Variants in ZBTB20 observed in about 807,000 individuals in gnomAD.
The protein encoded by ZBTB20 is zinc finger and BTB domain containing 20.
Under a neutral mutation model 56.9 loss-of-function variants are expected in ZBTB20, and 9 were observed. The observed-to-expected ratio is 0.16, with a 90% CI of 0.10 to 0.28. ZBTB20 has a LOEUF of 0.28. ZBTB20 is among the 10% of genes least tolerant of loss of function. The pLI is 1.00. For missense variants in ZBTB20, 655 were observed against 1,003.0 expected, an observed-to-expected ratio of 0.65 and a Z score of 4.69; for synonymous variants, 417 against 420.7, an observed-to-expected ratio of 0.99 and a Z score of 0.11.
At chr3:114,840,592 T>G (rs1175488712) in intron 4 of ZBTB20, among the ~76,000 whole-genome samples, 1 of 152,236 alleles carries the variant, frequency 6.6e-6, no homozygotes, top group African/African-American at 2.4e-5. Context: ...TAGCTTGAGC[T>G]TAAGTCAGAT....
intron 5 of ZBTB20, among the ~76,000 whole-genome samples, chr3:114,737,992 T>G (rs368290206): frequency 6.6e-6 from 1 of 152,178 alleles, no homozygotes; most frequent in African/African-American, 2.4e-5. Flanking sequence ...TAAGTGTTCT[T>G]GCTTTTTTTC....
chr3:114,689,743 C>G (rs2062583496), intron 6 of ZBTB20, among the ~76,000 whole-genome samples: 1 of 152,046 alleles, frequency 6.6e-6, no homozygotes, highest in African/African-American at 2.4e-5. Flanking sequence ...ACTTATGGAT[C>G]TTTTTAAAAG....
intron 2 of ZBTB20, among the ~76,000 whole-genome samples, chr3:115,038,891 A>G (rs2081035513): frequency 6.6e-6 from 1 of 152,106 alleles, no homozygotes; most frequent in African/African-American, 2.4e-5. Flanking sequence ...CCATTGCATT[A>G]TATCAAAGTT....
intron 6 of ZBTB20, among the ~76,000 whole-genome samples, chr3:114,560,573 A>G (rs1269743683): frequency 6.6e-6 from 1 of 152,072 alleles, no homozygotes; most frequent in Non-Finnish European, 1.5e-5. Flanking sequence ...TCACCACTAC[A>G]CTTTCCTGTC....
chr3:114,927,150 T>C (rs1391168843), intron 3 of ZBTB20, among the ~76,000 whole-genome samples: 1 of 152,214 alleles, frequency 6.6e-6, no homozygotes, highest in Non-Finnish European at 1.5e-5. Flanking sequence ...CTAAGATAAA[T>C]GCATATCTCA....
Position 114,339,076 on chromosome 3 carries a change from C to G in ZBTB20, c.2155G>C (p.Val719Leu). 6.4e-7 allele frequency: 1 copy of G among 1,565,082 alleles called. No individual in the cohort carries two copies. The highest frequency in any genetic ancestry group is 8.7e-7 in the Non-Finnish European group (1 of 1,153,832). The change falls in exon 12 of 12, where the codon GTC becomes CTC. Residue 719 changes from valine (V) to leucine (L), a missense_variant. Physicochemically the swap from Val to Leu is conservative, Grantham distance 32. Transcript: ENST00000675478. The surrounding 1 kb of genome is among the most constrained non-coding windows in gnomAD (Gnocchi z 4.2). ...CTEGTTYVCS[V>L]CPAKFDQIEQ... The stretch of plus-strand genomic sequence containing the variant: ...ATTTGGTCAAACTTTGCTGGGCAGA[C>G]GGAGCAGACGTAAGTGGTCCCCTCC...
intron 5 of ZBTB20, among the ~76,000 whole-genome samples, chr3:114,719,897 T>A (rs1340840511): frequency 1.3e-5 from 2 of 151,952 alleles, no homozygotes; most frequent in South Asian, 4.2e-4. Flanking sequence ...CTTGCTGATT[T>A]TTAAGGAAGT....
chr3:115,137,611 C>G (rs2107334256), intron 1 of ZBTB20, among the ~76,000 whole-genome samples: 1 of 152,074 alleles, frequency 6.6e-6, no homozygotes, highest in Admixed American at 6.5e-5. Flanking sequence ...GTATTCCACT[C>G]AAAGCATAGT....
At chr3:115,133,353 TTC>T (rs1182029186) in intron 1 of ZBTB20, among the ~76,000 whole-genome samples, 1 of 152,226 alleles carries the variant, frequency 6.6e-6, no homozygotes, top group Non-Finnish European at 1.5e-5. Context: ...ACTTTTGTCA[TTC>T]TTTTTCCTAA....
intron 6 of ZBTB20, among the ~76,000 whole-genome samples, chr3:114,553,057 T>C (rs1407358106): frequency 1.3e-5 from 2 of 152,226 alleles, no homozygotes; most frequent in Non-Finnish European, 2.9e-5. Flanking sequence ...GAGACAGTTA[T>C]ATGATGTTTT....
At chr3:114,671,076 C>T (rs542404698) in intron 6 of ZBTB20, among the ~76,000 whole-genome samples, 2 of 152,060 alleles carry the variant, frequency 1.3e-5, no homozygotes, top group Non-Finnish European at 1.5e-5. Context: ...TGGAGAGGAA[C>T]GCTACATGGA....
chr3:115,128,391 T>C (rs1310593490), intron 1 of ZBTB20, among the ~76,000 whole-genome samples: 1 of 151,990 alleles, frequency 6.6e-6, no homozygotes, highest in African/African-American at 2.4e-5. Flanking sequence ...TGCCTGCATG[T>C]AGTGACTCAC....
chr3:115,105,370 CATA>C (rs886394185), intron 1 of ZBTB20, among the ~76,000 whole-genome samples: 5 of 152,120 alleles, frequency 3.3e-5, no homozygotes, highest in African/African-American at 4.8e-5. Context: ...GATCACATAG[CATA>C]ATAATAATGA....
At chr3:114,992,333 C>A (rs2078851194) in intron 2 of ZBTB20, among the ~76,000 whole-genome samples, 2 of 151,856 alleles carry the variant, frequency 1.3e-5, no homozygotes, top group South Asian at 2.1e-4. Context: ...AGGCTATAAG[C>A]AATCATAAAG....
chr3:114,524,410 C>A (rs546135418), intron 6 of ZBTB20, among the ~76,000 whole-genome samples: 1 of 151,956 alleles, frequency 6.6e-6, no homozygotes, highest in Non-Finnish European at 1.5e-5. Flanking sequence ...TTAGAGGGAG[C>A]GTGTATTTAC....
intron 4 of ZBTB20, among the ~76,000 whole-genome samples, chr3:114,824,304 A>G (rs910469709): frequency 6.6e-6 from 1 of 151,968 alleles, no homozygotes; most frequent in African/African-American, 2.4e-5. Context: ...ATGAAGAGAA[A>G]CTTTGATACA....
At chr3:114,503,554 G>C (rs992426609) in intron 6 of ZBTB20, among the ~76,000 whole-genome samples, 1 of 152,136 alleles carries the variant, frequency 6.6e-6, no homozygotes, top group African/African-American at 2.4e-5. Context: ...ATGTCTATAA[G>C]TTGTTTTTAT....
intron 7 of ZBTB20, among the ~76,000 whole-genome samples, chr3:114,417,479 C>A (rs958190177): frequency 2.4e-4 from 36 of 152,168 alleles, no homozygotes; most frequent in African/African-American, 8.7e-4. Flanking sequence ...CACATTCTTG[C>A]GCTCTTAATT....
chr3:114,883,936 TTTTTTTTG>T (rs2076499503), intron 4 of ZBTB20, among the ~76,000 whole-genome samples: 1 of 89,818 alleles, frequency 1.1e-5, no homozygotes, highest in African/African-American at 3.8e-5. Context: ...TTTTTTTTTT[TTTTTTTTG>T]AGACGGAGTC....
Sources: allele counts gnomAD v4.1 joint callset (sites outside exome capture counted in the v4.1 genomes callset), GRCh38; gene constraint gnomAD v4.1.1; non-coding constraint Gnocchi (gnomAD v3.1); transcripts MANE v1.5; gene names NCBI Gene and HGNC (gene_info 2026-07-23, HGNC 2026-07-21).